LAMA3: variants seen among roughly 807,000 people sequenced by gnomAD.
LAMA3 encodes the protein laminin subunit alpha-3.
A neutral mutation model predicts 402.0 loss-of-function variants in LAMA3; 281 were observed. The observed-to-expected ratio is 0.70, with a 90% CI of 0.63 to 0.77. LAMA3 has a LOEUF of 0.77. LAMA3 is among the 30% of genes least tolerant of loss of function. LAMA3 has a pLI of 0.00. For missense variants in LAMA3, 3,840 were observed against 4,215.5 expected (o/e 0.91, Z 2.47); for synonymous variants, 1,431 against 1,558.4 (o/e 0.92, Z 1.93).
intron 62 of LAMA3, among the ~76,000 whole-genome samples, chr18:23,922,412 G>T (rs12458632): frequency 0.05 from 7,632 of 152,298 alleles, 259 homozygotes; most frequent in Middle Eastern, 0.12. Context: ...GTCATGCCAA[G>T]GTATTCTTTC....
At chr18:23,696,796 T>G (rs1459061494) in intron 1 of LAMA3, among the ~76,000 whole-genome samples, 1 of 152,226 alleles carries the variant, frequency 6.6e-6, no homozygotes, top group African/African-American at 2.4e-5. Context: ...CACTGCACCC[T>G]GATAGATGAA....
intron 27 of LAMA3, among the ~76,000 whole-genome samples, chr18:23,841,230 C>G (rs750208426): frequency 1.3e-5 from 2 of 152,168 alleles, no homozygotes; most frequent in African/African-American, 4.8e-5. Context: ...TATTTACCCC[C>G]CCGAGTCATG....
intron 12 of LAMA3, among the ~76,000 whole-genome samples, chr18:23,789,020 T>C (rs1236484478): frequency 6.6e-6 from 1 of 151,854 alleles, no homozygotes; most frequent in Non-Finnish European, 1.5e-5. Flanking sequence ...TGAAAATGAG[T>C]AAAGGATTTG....
At chr18:23,925,645 G>A (rs527264478) in intron 62 of LAMA3, among the ~76,000 whole-genome samples, 18 of 152,208 alleles carry the variant, frequency 1.2e-4, no homozygotes, top group Non-Finnish European at 2.1e-4. Context: ...ATACCCCAAC[G>A]CAGGAACCCA....
intron 1 of LAMA3, chr18:23,709,851 A>G: frequency 1.4e-6 from 1 of 698,858 alleles, no homozygotes; most frequent in Non-Finnish European, 2.6e-6. Flanking sequence ...GGCAACATCC[A>G]AAGCATTGTA....
At chr18:23,815,731 T>G (rs1415662456) in intron 17 of LAMA3, among the ~76,000 whole-genome samples, 158 bp downstream of exon 17, 1 of 152,194 alleles carries the variant, frequency 6.6e-6, no homozygotes, top group Non-Finnish European at 1.5e-5. Flanking sequence ...TTGATTACAT[T>G]GAAACTAGTA....
intron 8 of LAMA3, among the ~76,000 whole-genome samples, chr18:23,765,563 T>C (rs1230757749): frequency 6.6e-6 from 1 of 152,190 alleles, no homozygotes; most frequent in Non-Finnish European, 1.5e-5. Flanking sequence ...ACCCTAGATT[T>C]TGTAACATAT....
At chr18:23,858,930 CT>C in intron 34 of LAMA3, 101 bp downstream of exon 34, 1 of 1,267,578 alleles carries the variant, frequency 7.9e-7, no homozygotes, top group South Asian at 1.2e-5. Context: ...TTTTAAAATT[CT>C]TGTTTCCTGA....
Position 23,933,913 on chromosome 18 carries a change from C to T in LAMA3, c.8840C>T (p.Thr2947Ile). ...AAAGGTTCTACCAGGTTTAACAAGA[C>T]CAAGACTTTTCGTATCAACCAGGTA... ...LLKGSTRFNK[T>I]KTFRINQLLQ... The change falls in exon 67 of 75, where the codon ACC becomes ATC. Residue 2947 changes from threonine (T) to isoleucine (I), a missense_variant. Transcript: ENST00000313654. 6.2e-7 allele frequency: 1 copy of T among 1,614,124 alleles called. No individual in the cohort carries two copies. Among genetic ancestry groups the T allele is most frequent in the Non-Finnish European group, 8.5e-7 (1 of 1,180,004 alleles).
In LAMA3 at chr18:23,943,923, A is replaced by G. The variant is rs1423696154; in HGVS notation, c.9162A>G (p.Lys3054=). 3 of 1,614,010 alleles carry G rather than the reference A, an allele frequency of 1.9e-6. No individual in the cohort carries two copies. The highest frequency in any genetic ancestry group is 1.3e-5 in the African/African-American group (1 of 74,914). The stretch of plus-strand genomic sequence containing the variant: ...TTGCACTGGGGACAGATGGGAAAAA[A>G]TTGAGGATCAAAAGCAAGGAGAAAT... ...LVFALGTDGK[K]LRIKSKEKCN... is the part of the protein sequence containing the mutation. The change falls in exon 69 of 75, where the codon AAA becomes AAG. Residue 3054 remains lysine (K), a synonymous_variant. Transcript: ENST00000313654.
intron 62 of LAMA3, among the ~76,000 whole-genome samples, chr18:23,921,917 G>C (rs2081855655): frequency 6.6e-6 from 1 of 152,216 alleles, no homozygotes; most frequent in African/African-American, 2.4e-5. Context: ...CTGCATAGGA[G>C]AGCGTGGGCC....
intron 42 of LAMA3, among the ~76,000 whole-genome samples, chr18:23,890,569 C>G (rs1414141219): frequency 6.6e-6 from 1 of 151,982 alleles, no homozygotes; most frequent in Non-Finnish European, 1.5e-5. Flanking sequence ...GGATTTTATA[C>G]ACCAAGAAAA....
intron 73 of LAMA3, 59 bp from the exon 74 acceptor site, chr18:23,952,931 T>C: frequency 6.2e-7 from 1 of 1,611,204 alleles, no homozygotes; most frequent in Non-Finnish European, 8.5e-7. Context: ...AAGTCAATGG[T>C]GTAGACATTA....
chr18:23,941,774 CAGTT>C (rs1262439958), intron 68 of LAMA3, among the ~76,000 whole-genome samples: 1 of 152,122 alleles, frequency 6.6e-6, no homozygotes, highest in Non-Finnish European at 1.5e-5. Context: ...GGGTGTTAGT[CAGTT>C]AGTCTTTTAT....
chr18:23,885,119 A>C (rs2065028648), intron 41 of LAMA3, among the ~76,000 whole-genome samples: 1 of 143,326 alleles, frequency 7.0e-6, no homozygotes, highest in Non-Finnish European at 1.5e-5. Flanking sequence ...TCCCCCCAAC[A>C]CGCACCCCTG....
At chr18:23,858,614 T>G (rs2064140911) in intron 33 of LAMA3, 75 bp from the exon 34 acceptor site, 4 of 1,345,158 alleles carry the variant, frequency 3.0e-6, no homozygotes, top group South Asian at 2.3e-5. Flanking sequence ...TGGTATTTAA[T>G]TTGTGCAAGT....
At chr18:23,806,787 TGAGGCTGTAGGA>T (rs1202201767) in intron 12 of LAMA3, among the ~76,000 whole-genome samples, 2 of 152,368 alleles carry the variant, frequency 1.3e-5, no homozygotes, top group South Asian at 4.1e-4. Context: ...GTCTCAGCTC[TGAGGCTGTAGGA>T]GATAAGGATT....
chr18:23,954,709 T>A lies in LAMA3; in HGVS notation c.*61T>A. Reference sequence around the variant, plus strand: ...AAAAGCACTGATTACCCAATGCACCTCCCTCCCCAGCTCGAGATCATTCTT... The same window carrying A: ...AAAAGCACTGATTACCCAATGCACCACCCTCCCCAGCTCGAGATCATTCTT... On this transcript the variant is annotated 3_prime_UTR_variant, in exon 75 of 75. Coordinates refer to ENST00000313654, the MANE Select transcript of LAMA3 (RefSeq NM_198129.4). The A allele has an allele frequency of 1.3e-6, 2 of 1,524,472 alleles. No individual in the cohort carries two copies. Among genetic ancestry groups the A allele is most frequent in the Non-Finnish European group, 1.8e-6 (2 of 1,098,872 alleles). The allele number at this position is 1,524,472 out of a possible 1,614,324, so 94.4% of individuals were successfully genotyped here.
chr18:23,877,974 G>C (rs7242921), intron 39 of LAMA3, among the ~76,000 whole-genome samples: 7 of 151,786 alleles, frequency 4.6e-5, no homozygotes, highest in African/African-American at 1.7e-4. Context: ...TTATCTGGGC[G>C]TGGTGGTGGG....
Sources: gnomAD v4.1 joint callset for allele counts (sites outside exome capture counted in the v4.1 genomes callset) on GRCh38, gnomAD v4.1.1 for gene constraint, MANE v1.5 for transcripts, NCBI Gene and HGNC (gene_info 2026-07-23, HGNC 2026-07-21) for gene names.